MACROD2: variants seen among roughly 807,000 people sequenced by gnomAD.
MACROD2 encodes the protein ADP-ribose glycohydrolase MACROD2.
MACROD2 carries 36 observed loss-of-function variants against 70.4 expected under a neutral mutation model. That is an observed-to-expected ratio of 0.51 (90% confidence interval 0.39 to 0.68). The LOEUF (loss-of-function observed/expected upper bound fraction) is 0.68, where lower values mean the gene tolerates loss of function less well. Among genes scored for constraint, MACROD2 ranks in the 30% least tolerant of loss-of-function variants. The pLI, the probability that MACROD2 is intolerant of heterozygous loss-of-function variation, is 0.00. For synonymous variants in MACROD2, 172 were observed against 178.8 expected, an observed-to-expected ratio of 0.96 and a Z score of 0.30; for missense variants, 496 against 538.4, an observed-to-expected ratio of 0.92 and a Z score of 0.78.
chr20:14,189,908 A>G (rs2081371504), intron 3 of MACROD2, among the ~76,000 whole-genome samples: 1 of 152,340 alleles, frequency 6.6e-6, no homozygotes, highest in Non-Finnish European at 1.5e-5. Flanking sequence ...TTAATGTTCA[A>G]TGAATAAAAT....
intron 5 of MACROD2, among the ~76,000 whole-genome samples, chr20:14,926,725 C>G (rs1600835259): frequency 6.6e-6 from 1 of 152,162 alleles, no homozygotes. Context: ...TCAACTCTTC[C>G]AATTGACATG....
At chr20:15,811,057 C>T (rs2063815801) in intron 8 of MACROD2, among the ~76,000 whole-genome samples, 1 of 151,100 alleles carries the variant, frequency 6.6e-6, no homozygotes, top group African/African-American at 2.4e-5. Context: ...ACACCAAAAG[C>T]AATGGCAACA....
At chr20:15,560,462 T>A (rs900616987) in intron 8 of MACROD2, among the ~76,000 whole-genome samples, 2 of 152,092 alleles carry the variant, frequency 1.3e-5, no homozygotes, top group Non-Finnish European at 2.9e-5. Flanking sequence ...AACCTGGAAA[T>A]AAGTCAAGAC....
intron 8 of MACROD2, among the ~76,000 whole-genome samples, chr20:15,720,830 CT>C (rs1479315653): frequency 6.6e-6 from 1 of 152,116 alleles, no homozygotes; most frequent in African/African-American, 2.4e-5. Flanking sequence ...TCTGTTTTAG[CT>C]TTTCTAAAAT....
intron 8 of MACROD2, among the ~76,000 whole-genome samples, chr20:15,596,980 T>C (rs1417367095): frequency 4.6e-5 from 7 of 152,240 alleles, no homozygotes; most frequent in Admixed American, 4.6e-4. Flanking sequence ...CTATATTCCA[T>C]GGAGATCATC....
chr20:15,286,555 G>T (rs2077493710), intron 6 of MACROD2, among the ~76,000 whole-genome samples: 1 of 150,392 alleles, frequency 6.6e-6, no homozygotes. Flanking sequence ...AAGGGATAAA[G>T]ATAAGATATG....
chr20:15,921,700 G>C (rs1423771979), intron 10 of MACROD2, among the ~76,000 whole-genome samples: 3 of 152,146 alleles, frequency 2.0e-5, no homozygotes, highest in African/African-American at 7.2e-5. Context: ...GTAATTATTT[G>C]GTTTAAAAAT....
intron 13 of MACROD2, among the ~76,000 whole-genome samples, chr20:15,979,365 G>T (rs754566853): frequency 2.6e-5 from 4 of 152,104 alleles, no homozygotes; most frequent in Admixed American, 6.5e-5. Context: ...TACACATGAT[G>T]TCTGTTCCAG....
chr20:14,344,901 C>A (rs1355999835), intron 3 of MACROD2, among the ~76,000 whole-genome samples: 2 of 152,174 alleles, frequency 1.3e-5, no homozygotes, highest in Non-Finnish European at 2.9e-5. Flanking sequence ...TCTTTGTTTT[C>A]TTCAGTAGCC....
chr20:15,041,161 G>A (rs1600988126), intron 5 of MACROD2, among the ~76,000 whole-genome samples: 1 of 152,146 alleles, frequency 6.6e-6, no homozygotes, highest in East Asian at 1.9e-4. Context: ...ATCTCCATTT[G>A]TGGAAGAAAA....
chr20:14,463,710 C>CA, intron 3 of MACROD2, among the ~76,000 whole-genome samples: 1 of 152,170 alleles, frequency 6.6e-6, no homozygotes, highest in South Asian at 2.1e-4. Context: ...TATGTCCCAT[C>CA]AATACCTAAT....
chr20:15,153,975 C>A (rs1342877353), intron 5 of MACROD2, among the ~76,000 whole-genome samples: 1 of 152,136 alleles, frequency 6.6e-6, no homozygotes, highest in Non-Finnish European at 1.5e-5. Context: ...TATAATGACA[C>A]CCTTGCTGTT....
Position 15,908,428 on chromosome 20 carries a change from TCTTTA to T in MACROD2, c.775+22622_775+22626del, listed in dbSNP as rs72082527. On this transcript the variant is annotated intron_variant, in intron 10 of 17. Transcript: ENST00000684519. ...TCCCATCCACTGCTAGTCTTAGACA[TCTTTA>T]CTTTCCTTGATTGATTCCCTTGACT... 6.6e-3 allele frequency among the ~76,000 whole-genome samples: 1,001 copies of T among 152,302 alleles called. 12 individuals are homozygous for T. Among genetic ancestry groups the T allele is most frequent in the African/African-American group, 0.023 (942 of 41,562 alleles).
At chr20:14,450,140 C>T (rs1472911505) in intron 3 of MACROD2, among the ~76,000 whole-genome samples, 1 of 152,062 alleles carries the variant, frequency 6.6e-6, no homozygotes, top group African/African-American at 2.4e-5. Context: ...TGATGCAAAT[C>T]AGTGTATCTC....
intron 17 of MACROD2, 58 bp downstream of exon 17, chr20:16,044,697 C>T: frequency 1.4e-6 from 2 of 1,472,858 alleles, no homozygotes; most frequent in Admixed American, 1.7e-5. Context: ...GAACTATTTG[C>T]AAATGACATA....
intron 6 of MACROD2, among the ~76,000 whole-genome samples, chr20:15,243,443 A>ACATG (rs2077077487): frequency 6.6e-6 from 1 of 152,220 alleles, no homozygotes; most frequent in Admixed American, 6.5e-5. Flanking sequence ...ATTTTGATCT[A>ACATG]CATGCACACA....
At chr20:15,364,381 C>G (rs1212665913) in intron 6 of MACROD2, among the ~76,000 whole-genome samples, 5 of 152,328 alleles carry the variant, frequency 3.3e-5, no homozygotes, top group East Asian at 1.9e-4. Flanking sequence ...TGTGAACTCA[C>G]CTGTGTTTGT....
intron 4 of MACROD2, among the ~76,000 whole-genome samples, chr20:14,602,857 C>G (rs1982583319): frequency 6.6e-6 from 1 of 152,198 alleles, no homozygotes; most frequent in Non-Finnish European, 1.5e-5. Context: ...ATAGCCAAGG[C>G]CTTTGATGTC....
intron 7 of MACROD2, among the ~76,000 whole-genome samples, chr20:15,457,263 G>A (rs2046741234): frequency 6.6e-6 from 1 of 151,946 alleles, no homozygotes; most frequent in Admixed American, 6.6e-5. Context: ...TGACTATTCT[G>A]TATCTTAGAT....
Sources: allele counts gnomAD v4.1 joint callset (sites outside exome capture counted in the v4.1 genomes callset), GRCh38; gene constraint gnomAD v4.1.1; transcripts MANE v1.5; gene names NCBI Gene and HGNC (gene_info 2026-07-23, HGNC 2026-07-21).